GLB1L2: variants seen among roughly 807,000 people sequenced by gnomAD.
GLB1L2 encodes galactosidase beta 1 like 2, also known as beta-galactosidase-1-like protein 2.
A neutral mutation model predicts 84.1 loss-of-function variants in GLB1L2; 68 were observed. That is an observed-to-expected ratio of 0.81 (90% CI 0.67 to 0.99). The LOEUF (loss-of-function observed/expected upper bound fraction) is 0.99. Ranked by LOEUF, GLB1L2 falls within the 50% of genes least tolerant of loss-of-function variation. GLB1L2 has a pLI of 0.00. For synonymous variants in GLB1L2, 290 were observed against 318.0 expected (o/e 0.91, Z 0.94); for missense variants, 762 against 805.6 (o/e 0.95, Z 0.66).
chr11:134,365,194 A>C (rs935563814), intron 8 of GLB1L2: 4 of 152,258 alleles, frequency 2.6e-5, no homozygotes, highest in African/African-American at 9.7e-5. Flanking sequence ...ATCTGCGTGG[A>C]GCCACCACAG....
chr11:134,337,311 C>A (rs947807373), intron 1 of GLB1L2, among the ~76,000 whole-genome samples: 1 of 152,204 alleles, frequency 6.6e-6, no homozygotes, highest in Non-Finnish European at 1.5e-5. Context: ...AGCCCTTGGG[C>A]GTATTTAATG....
chr11:134,332,267 C>T (rs893291969), intron 1 of GLB1L2, 120 bp downstream of exon 1: 21 of 659,492 alleles, frequency 3.2e-5, no homozygotes, highest in Non-Finnish European at 5.2e-5. Flanking sequence ...GCCCCAGCTG[C>T]TTCTTTCTGG....
Position 134,373,725 on chromosome 11 carries a change from A to G in GLB1L2, c.1512A>G (p.Leu504=), listed in dbSNP as rs769742400. Residue 504 remains leucine, a synonymous_variant, in exon 16 of 19, where the codon TTA becomes TTG. Coordinates refer to ENST00000535456, the MANE Select transcript of GLB1L2 (RefSeq NM_001370461.1). ...GENIDDQRKG[L]IGNLYLNDSP... Reference sequence around the variant, plus strand: ...TGTCCTGCCTCCCTCCCACAGGCTTAATTGGAAATCTCTATCTGAATGATT... The same window carrying G: ...TGTCCTGCCTCCCTCCCACAGGCTTGATTGGAAATCTCTATCTGAATGATT... 2 of 1,608,986 alleles carry G rather than the reference A, an allele frequency of 1.2e-6. No homozygotes were observed. Among genetic ancestry groups the G allele is most frequent in the African/African-American group, 2.7e-5 (2 of 74,790 alleles).
chr11:134,370,238 G>T lies in GLB1L2; in HGVS notation c.1109-55G>T. 6.9e-7 allele frequency: 1 copy of T among 1,452,458 alleles called. No homozygotes were observed. Among genetic ancestry groups the T allele is most frequent in the South Asian group, 1.1e-5 (1 of 87,620 alleles). The allele number at this position is 1,452,458 out of a possible 1,614,324, so 90.0% of individuals were successfully genotyped here. A position where few individuals can be genotyped will look rare whatever the true frequency, so the allele number is the denominator to read the frequency against. ...TGGATGGGAGCCGGGTGGGGAGGACGAGCAGGCAGTGACATTTGGGTCCGT... is the reference window on the plus strand; with the variant it reads ...TGGATGGGAGCCGGGTGGGGAGGACTAGCAGGCAGTGACATTTGGGTCCGT... On this transcript the variant is annotated intron_variant, in intron 11 of 18. Transcript: ENST00000535456. The surrounding 1 kb of genome is among the most constrained non-coding windows in gnomAD (Gnocchi z 4.7).
chr11:134,344,480 A>C (rs200004828), intron 3 of GLB1L2, 25 bp downstream of exon 3: 21,625 of 1,536,092 alleles, frequency 0.014, 391 homozygotes, highest in African/African-American at 0.043. Context: ...TGCTTCTGTG[A>C]ACTGGCCAGG....
intron 1 of GLB1L2, among the ~76,000 whole-genome samples, chr11:134,336,085 G>C (rs550226902): frequency 1.3e-5 from 2 of 152,340 alleles, no homozygotes; most frequent in East Asian, 3.9e-4. Flanking sequence ...GGTGTTTTTA[G>C]AGGCTCCTGC....
chr11:134,370,832 C>G lies in GLB1L2; in HGVS notation c.1216-176C>G, dbSNP rs1565442985. Reference sequence around the variant, plus strand: ...CACTCTGCTGGTGCACACCCCTTTGCCCCACTCCTCTTCCCCGTCACCCTG... The same window carrying G: ...CACTCTGCTGGTGCACACCCCTTTGGCCCACTCCTCTTCCCCGTCACCCTG... On this transcript the variant is annotated intron_variant, in intron 12 of 18. Transcript: ENST00000535456. This position sits in a 1 kb window ranked among gnomAD's most constrained non-coding sequence, Gnocchi z 4.7. Among the ~76,000 whole-genome samples, 2 of 152,112 alleles carry G rather than the reference C, an allele frequency of 1.3e-5. No homozygotes were observed. The highest frequency in any genetic ancestry group is 4.8e-5 in the African/African-American group (2 of 41,412).
Position 134,369,890 on chromosome 11 carries a change from C to T in GLB1L2, c.1108+5C>T. ...ACTTCTTCGGCTCCATCTCAGGTAC[C>T]CAGCAGACAGCAGACTCAAGTTCCA... On this transcript the variant is annotated splice_donor_5th_base_variant and intron_variant, in intron 11 of 18. Transcript: ENST00000535456. The T allele has an allele frequency of 1.2e-6, 2 of 1,612,730 alleles. No homozygotes were observed. The highest frequency in any genetic ancestry group is 8.5e-7 in the Non-Finnish European group (1 of 1,178,862).
At chr11:134,342,717 G>C in intron 1 of GLB1L2, 37 bp from the exon 2 acceptor site, 1 of 1,594,590 alleles carries the variant, frequency 6.3e-7, no homozygotes, top group Non-Finnish European at 8.6e-7. Context: ...TCTGCGGCCC[G>C]GAGCCTCCAG....
chr11:134,360,817 T>G (rs888298764), intron 7 of GLB1L2: 12 of 152,236 alleles, frequency 7.9e-5, no homozygotes, highest in African/African-American at 2.9e-4. Flanking sequence ...TCCTTCTTAT[T>G]TCCAAATACT....
At chr11:134,366,582 G>GA (rs919939334) in intron 8 of GLB1L2, among the ~76,000 whole-genome samples, 1 of 149,504 alleles carries the variant, frequency 6.7e-6, no homozygotes, top group African/African-American at 2.4e-5. Context: ...TGGCAGAGTG[G>GA]AGCATGGTCC....
rs747911313 is a variant in GLB1L2 at position 134,370,106 on chromosome 11, C to T, written c.1109-187C>T. ...TTATCTCCTGTGGAGGACGGGAGAA[C>T]GCCCTGGCTTTCCCCCAGGCCTGGC... On this transcript the variant is annotated intron_variant, in intron 11 of 18. Transcript: ENST00000535456. The surrounding 1 kb of genome is among the most constrained non-coding windows in gnomAD (Gnocchi z 4.7). 5.9e-5 allele frequency among the ~76,000 whole-genome samples: 9 copies of T among 152,120 alleles called. No individual in the cohort carries two copies. Among genetic ancestry groups the T allele is most frequent in the East Asian group, 1.9e-4 (1 of 5,174 alleles).
At chr11:134,357,452 C>T (rs954555420) in intron 6 of GLB1L2, among the ~76,000 whole-genome samples, 5 of 152,246 alleles carry the variant, frequency 3.3e-5, no homozygotes, top group Non-Finnish European at 5.9e-5. Flanking sequence ...TGCCCAGCCA[C>T]GGCCTGGAGT....
Position 134,367,561 on chromosome 11 carries a change from G to A in GLB1L2, c.889+220G>A, listed in dbSNP as rs142963760. Among the ~76,000 whole-genome samples the A allele has an allele frequency of 3.7e-4, 56 of 152,210 alleles. No homozygotes were observed. In the East Asian group the frequency reaches 8.9e-3, roughly 24 times the overall value. ...TTGTTCGTGTTTTTGTAATTAGAAG[G>A]GTAATGCATGCCTATTGCAAACATC... is the stretch of plus-strand genomic sequence containing the variant. On this transcript the variant is annotated intron_variant, in intron 9 of 18. Coordinates refer to ENST00000535456, the MANE Select transcript of GLB1L2 (RefSeq NM_001370461.1).
In GLB1L2 at chr11:134,370,505, G is replaced by A; in HGVS notation, c.1215+106G>A. ...CGTCGGCGGGAGGTGAGAGTCGTCG[G>A]GGCAGCAGGGCCTGGAGCCCCTCCA... On this transcript the variant is annotated intron_variant, in intron 12 of 18. Coordinates refer to ENST00000535456, the MANE Select transcript of GLB1L2 (RefSeq NM_001370461.1). The surrounding 1 kb of genome is among the most constrained non-coding windows in gnomAD (Gnocchi z 4.7). The A allele has an allele frequency of 1.2e-6, 1 of 825,320 alleles. No individual in the cohort carries two copies. The highest frequency in any genetic ancestry group is 2.0e-6 in the Non-Finnish European group (1 of 497,122). 51.1% of individuals were successfully genotyped at this position (825,320 alleles called of 1,614,324 possible).
chr11:134,353,074 G>A (rs1196551027), intron 5 of GLB1L2, among the ~76,000 whole-genome samples: 1 of 152,106 alleles, frequency 6.6e-6, no homozygotes, highest in East Asian at 1.9e-4. Flanking sequence ...CATTGTGATT[G>A]GGAAAAATAA....
Position 134,334,003 on chromosome 11 carries a change from G to A in GLB1L2, c.86+1856G>A, listed in dbSNP as rs568472097. 2.0e-5 allele frequency among the ~76,000 whole-genome samples: 3 copies of A among 152,274 alleles called. No individual in the cohort carries two copies. The South Asian group carries it at 6.2e-4, about 32-fold the overall frequency. On this transcript the variant is annotated intron_variant, in intron 1 of 18. Coordinates refer to ENST00000535456, the MANE Select transcript of GLB1L2 (RefSeq NM_001370461.1). The surrounding 1 kb of genome is among the most constrained non-coding windows in gnomAD (Gnocchi z 4.1). ...TTTTTCACCCTCATGGGTACATTCT[G>A]CCAGTTCCTCCTGTCTGACTTGGGC...
chr11:134,375,074 C>T lies in GLB1L2; in HGVS notation c.*16C>T. The T allele has an allele frequency of 1.9e-6, 3 of 1,605,246 alleles. No individual in the cohort carries two copies. Among genetic ancestry groups the T allele is most frequent in the Non-Finnish European group, 2.6e-6 (3 of 1,173,592 alleles). ...CATTAAGTGAGCGGTGGCACCCCCT[C>T]CTGCTGGTGCCAGTGGGAGACTGCC... On this transcript the variant is annotated 3_prime_UTR_variant, in exon 19 of 19. Coordinates refer to ENST00000535456, the MANE Select transcript of GLB1L2 (RefSeq NM_001370461.1).
In GLB1L2 at chr11:134,332,037, G is replaced by A. The variant is rs1591606208; in HGVS notation, c.-25G>A. 1 of 1,517,156 alleles carries A rather than the reference G, an allele frequency of 6.6e-7. No homozygotes were observed. Among genetic ancestry groups the A allele is most frequent in the South Asian group, 1.2e-5 (1 of 83,046 alleles). 94.0% of individuals were successfully genotyped at this position (1,517,156 alleles called of 1,614,324 possible). A position where few individuals can be genotyped will look rare whatever the true frequency, so the allele number is the denominator to read the frequency against. On this transcript the variant is annotated 5_prime_UTR_variant, in exon 1 of 19. Transcript: ENST00000535456. ...GAGTGCGGACTGGAGTGGGAACCCG[G>A]GTCCCCGCGCTTAGAGAACACGCGA...
Sources: gnomAD v4.1 joint callset for allele counts (sites outside exome capture counted in the v4.1 genomes callset) on GRCh38, gnomAD v4.1.1 for gene constraint, Gnocchi (gnomAD v3.1) non-coding constraint, MANE v1.5 for transcripts, NCBI Gene and HGNC (gene_info 2026-07-23, HGNC 2026-07-21) for gene names.